Variants in ABHD2 observed in about 807,000 individuals in gnomAD.
ABHD2 encodes the protein monoacylglycerol lipase ABHD2.
Under a neutral mutation model 48.1 loss-of-function variants are expected in ABHD2, and 20 were observed. That is an observed-to-expected ratio of 0.42 (90% CI 0.29 to 0.60). The LOEUF is 0.60. Among genes scored for constraint, ABHD2 ranks in the 20% least tolerant of loss-of-function variants. The pLI, the probability that ABHD2 is intolerant of heterozygous loss-of-function variation, is 0.24. For missense variants in ABHD2, 405 were observed against 550.9 expected (o/e 0.74, Z 2.65); for synonymous variants, 209 against 214.2 (o/e 0.98, Z 0.21).
chr15:89,147,544 G>A (rs2050514888), intron 3 of ABHD2, among the ~76,000 whole-genome samples: 1 of 150,902 alleles, frequency 6.6e-6, no homozygotes, highest in East Asian at 2.0e-4. Flanking sequence ...CAGTAGAGAC[G>A]GGGTTTCACC....
chr15:89,196,182 G>T lies in ABHD2; in HGVS notation c.*759G>T, dbSNP rs376244361. Reference sequence around the variant, plus strand: ...AATTTTGGAAATGCTGTTCAACAGCGCCCTTAAATTGGAAACATCTTTGCA... The same window carrying T: ...AATTTTGGAAATGCTGTTCAACAGCTCCCTTAAATTGGAAACATCTTTGCA... On this transcript the variant is annotated 3_prime_UTR_variant, in exon 11 of 11. Transcript: ENST00000352732. 2 of 152,230 alleles carry T rather than the reference G, an allele frequency of 1.3e-5. No individual in the cohort carries two copies. Among genetic ancestry groups the T allele is most frequent in the Non-Finnish European group, 2.9e-5 (2 of 68,024 alleles). The allele number at this position is 152,230 out of a possible 1,614,324, so 9.4% of individuals were successfully genotyped here.
rs781387443 is a variant in ABHD2 at position 89,155,111 on chromosome 15, A to G, written c.371-256A>G. On this transcript the variant is annotated intron_variant, in intron 4 of 10. Coordinates refer to ENST00000352732, the MANE Select transcript of ABHD2 (RefSeq NM_152924.5). This position sits in a 1 kb window ranked among gnomAD's most constrained non-coding sequence, Gnocchi z 4.9. The stretch of plus-strand genomic sequence containing the variant: ...TTTCATTTCATTTTTCCAGTAATTA[A>G]CTTCTATTGTCTTTTCAAAAGTATC... 1.3e-5 allele frequency among the ~76,000 whole-genome samples: 2 copies of G among 152,156 alleles called. No homozygotes were observed. The highest frequency in any genetic ancestry group is 2.9e-5 in the Non-Finnish European group (2 of 68,026).
At position 89,146,047 on chromosome 15, in the gene ABHD2, C is replaced by T. The variant is rs2050485949; in HGVS notation, c.195-5630C>T. Among the ~76,000 whole-genome samples, 1 of 152,044 alleles carries T rather than the reference C, an allele frequency of 6.6e-6. No individual in the cohort carries two copies. Among genetic ancestry groups the T allele is most frequent in the Admixed American group, 6.6e-5 (1 of 15,242 alleles). On this transcript the variant is annotated intron_variant, in intron 3 of 10. Coordinates refer to ENST00000352732, the MANE Select transcript of ABHD2 (RefSeq NM_152924.5). This position sits in a 1 kb window ranked among gnomAD's most constrained non-coding sequence, Gnocchi z 4.2. The stretch of plus-strand genomic sequence containing the variant: ...TTTGTTCACTGGAAAGGACTTGCTG[C>T]AACTTGCTGAGATGTGAGGACTCAA...
chr15:89,066,119 G>A, the ABHD2 span, among the ~76,000 whole-genome samples: 2 of 152,106 alleles, frequency 1.3e-5, no homozygotes, highest in African/African-American at 4.8e-5. Flanking sequence ...AGAAAGCTAT[G>A]CAATATTTAG....
chr15:89,109,681 T>A (rs1471305698), intron 1 of ABHD2, among the ~76,000 whole-genome samples: 1 of 152,032 alleles, frequency 6.6e-6, no homozygotes, highest in Admixed American at 6.6e-5. Flanking sequence ...TAGTGACAAG[T>A]CAGACTTGGG....
chr15:89,195,286 G>A lies in ABHD2; in HGVS notation c.1141G>A (p.Glu381Lys). Residue 381 changes from glutamate (E) to lysine (K), a missense_variant, in exon 11 of 11, where the codon GAG becomes AAG. Physicochemically the swap from Glu to Lys is moderately conservative, Grantham distance 56. Coordinates refer to ENST00000352732, the MANE Select transcript of ABHD2 (RefSeq NM_152924.5). The surrounding 1 kb of genome is among the most constrained non-coding windows in gnomAD (Gnocchi z 5.1). ...GCATGGGGGCCACTTGGGCTTCTTT[G>A]AGGGCTCTGTGCTGTTCCCCGAGCC... is the stretch of plus-strand genomic sequence containing the variant. Reference protein sequence around the residue: ...PLHGGHLGFFEGSVLFPEPLT... With the variant: ...PLHGGHLGFFKGSVLFPEPLT... 6.2e-7 allele frequency: 1 copy of A among 1,614,236 alleles called. No individual in the cohort carries two copies. The highest frequency in any genetic ancestry group is 8.5e-7 in the Non-Finnish European group (1 of 1,180,032).
chr15:89,058,246 A>T, the ABHD2 span, among the ~76,000 whole-genome samples: 9 of 152,224 alleles, frequency 5.9e-5, no homozygotes, highest in South Asian at 1.4e-3. Context: ...ATCCTTTCAG[A>T]TCGTGAGGAG....
At chr15:89,132,610 A>C (rs2050238092) in intron 3 of ABHD2, among the ~76,000 whole-genome samples, 1 of 152,234 alleles carries the variant, frequency 6.6e-6, no homozygotes, top group African/African-American at 2.4e-5. Context: ...TCTTATAGCT[A>C]TTTCAAATTG....
At chr15:89,119,583 T>C (rs904738443) in intron 3 of ABHD2, among the ~76,000 whole-genome samples, 8 of 152,014 alleles carry the variant, frequency 5.3e-5, no homozygotes, top group African/African-American at 1.9e-4. Flanking sequence ...AAACTGGGAG[T>C]AGCAGAGAGG....
the ABHD2 span, among the ~76,000 whole-genome samples, chr15:89,073,061 A>C: frequency 2.6e-5 from 4 of 152,330 alleles, no homozygotes; most frequent in Middle Eastern, 3.4e-3. Context: ...CTGAAATTCA[A>C]ATTTAACTAG....
chr15:89,076,672 T>C, the ABHD2 span, among the ~76,000 whole-genome samples: 1 of 152,006 alleles, frequency 6.6e-6, no homozygotes, highest in Non-Finnish European at 1.5e-5. Flanking sequence ...TTTGTAGAGA[T>C]GAGGTCTCAC....
chr15:89,129,637 C>T (rs73467772), intron 3 of ABHD2, among the ~76,000 whole-genome samples: 5,279 of 152,140 alleles, frequency 0.035, 130 homozygotes, highest in African/African-American at 0.072. Context: ...TGTTGCCCCC[C>T]GGGAATCCAG....
intron 3 of ABHD2, among the ~76,000 whole-genome samples, chr15:89,132,779 C>T (rs945819396): frequency 2.0e-5 from 3 of 152,190 alleles, no homozygotes; most frequent in African/African-American, 7.2e-5. Flanking sequence ...GTAGGACTTT[C>T]TAGAACATGC....
At chr15:89,079,533 G>A in the ABHD2 span, among the ~76,000 whole-genome samples, 1 of 151,864 alleles carries the variant, frequency 6.6e-6, no homozygotes, top group Non-Finnish European at 1.5e-5. The surrounding 1 kb of genome is among the most constrained non-coding windows in gnomAD (Gnocchi z 4.3). Context: ...ATAGAGATCT[G>A]TCTCAGACAC....
chr15:89,123,331 G>A (rs964672030), intron 3 of ABHD2, among the ~76,000 whole-genome samples: 2 of 152,080 alleles, frequency 1.3e-5, no homozygotes, highest in Non-Finnish European at 2.9e-5. Flanking sequence ...AGCTCCAAAC[G>A]GAAATCCAAT....
intron 3 of ABHD2, among the ~76,000 whole-genome samples, chr15:89,138,122 G>C (rs1157648864): frequency 6.6e-6 from 1 of 152,260 alleles, no homozygotes; most frequent in East Asian, 1.9e-4. Flanking sequence ...GGCCTGTGGA[G>C]CAGGGAGGCT....
intron 3 of ABHD2, among the ~76,000 whole-genome samples, chr15:89,131,559 C>T (rs1010451495): frequency 6.6e-6 from 1 of 152,132 alleles, no homozygotes; most frequent in Non-Finnish European, 1.5e-5. Context: ...AAACTGGTTT[C>T]TGACTATTGA....
rs148553398 is a variant in ABHD2, at chr15:89,122,225, C to G, written c.194+5704C>G. The stretch of plus-strand genomic sequence containing the variant: ...CTTCTTCCATCTTCCTACCATGTTT[C>G]CCCAACATATAACTTCTGTGTCCGT... On this transcript the variant is annotated intron_variant, in intron 3 of 10. Transcript: ENST00000352732. Among the ~76,000 whole-genome samples, 13 of 152,306 alleles carry G rather than the reference C, an allele frequency of 8.5e-5. No individual in the cohort carries two copies. The East Asian group carries it at 2.5e-3, about 29-fold the overall frequency.
Position 89,155,676 on chromosome 15 carries a change from AC to A in ABHD2, c.538+143del. On this transcript the variant is annotated intron_variant, in intron 5 of 10. Transcript: ENST00000352732. The surrounding 1 kb of genome is among the most constrained non-coding windows in gnomAD (Gnocchi z 4.9). The stretch of plus-strand genomic sequence containing the variant: ...GGTCACACGGTTATATCAACAGCCA[AC>A]TTGTACTGGGCATTGATGATGCCAT... 1 of 1,053,346 alleles carries A rather than the reference AC, an allele frequency of 9.5e-7. No individual in the cohort carries two copies. The highest frequency in any genetic ancestry group is 1.6e-5 in the South Asian group (1 of 62,038). 65.2% of individuals were successfully genotyped at this position (1,053,346 alleles called of 1,614,324 possible).
Sources: gnomAD v4.1 joint callset for allele counts (sites outside exome capture counted in the v4.1 genomes callset) on GRCh38, gnomAD v4.1.1 for gene constraint, Gnocchi (gnomAD v3.1) non-coding constraint, MANE v1.5 for transcripts, NCBI Gene and HGNC (gene_info 2026-07-23, HGNC 2026-07-21) for gene names.